The following KAZN variants were observed in gnomAD, a reference collection of about 807,000 sequenced individuals.
KAZN encodes kazrin, periplakin interacting protein.
A neutral mutation model predicts 87.4 loss-of-function variants in KAZN; 40 were observed. That is an observed-to-expected ratio of 0.46 (90% CI 0.36 to 0.60). KAZN has a LOEUF of 0.60. KAZN is among the 20% of genes least tolerant of loss of function. KAZN has a pLI of 0.00. For synonymous variants in KAZN, 466 were observed against 458.3 expected (o/e 1.02, Z -0.22); for missense variants, 898 against 1,073.9 (o/e 0.84, Z 2.29).
chr1:14,054,303 T>C (rs1299072591), intron 1 of KAZN, among the ~76,000 whole-genome samples: 1 of 152,128 alleles, frequency 6.6e-6, no homozygotes, highest in Non-Finnish European at 1.5e-5. Flanking sequence ...AAGATAAAAA[T>C]AAAAACCTTT....
intron 1 of KAZN, among the ~76,000 whole-genome samples, chr1:14,609,915 C>T (rs992110429): frequency 8.5e-5 from 13 of 152,244 alleles, no homozygotes; most frequent in Admixed American, 7.8e-4. Context: ...GGCCCAGCTG[C>T]ACAGTGTGGG....
At chr1:14,895,860 G>A (rs1655208872) in intron 1 of KAZN, among the ~76,000 whole-genome samples, 2 of 152,110 alleles carry the variant, frequency 1.3e-5, no homozygotes, top group South Asian at 4.1e-4. Context: ...CGAGGACAGA[G>A]AATAAAAGCA....
intron 2 of KAZN, among the ~76,000 whole-genome samples, chr1:14,514,609 A>ATTTTTT (rs1671196699): frequency 0.021 from 768 of 36,902 alleles, 2 homozygotes; most frequent in Non-Finnish European, 0.023. Context: ...ATATATATAT[A>ATTTTTT]TATATATATA....
At chr1:15,114,053 A>T (rs895505263) in intron 14 of KAZN, 4 of 158,582 alleles carry the variant, frequency 2.5e-5, no homozygotes, top group African/African-American at 9.6e-5. Flanking sequence ...CTGCCACACC[A>T]GGCCGTCTAG....
chr1:14,917,277 G>A (rs1017050842), intron 1 of KAZN, among the ~76,000 whole-genome samples: 10 of 152,222 alleles, frequency 6.6e-5, no homozygotes, highest in African/African-American at 2.4e-4. Flanking sequence ...CCTTCCCGAT[G>A]CACCTGGGGT....
At chr1:14,765,093 G>T (rs1398557533) in intron 1 of KAZN, among the ~76,000 whole-genome samples, 1 of 152,132 alleles carries the variant, frequency 6.6e-6, no homozygotes, top group African/African-American at 2.4e-5. Flanking sequence ...CTCATCAGCC[G>T]CAGCACTGTT....
At chr1:13,946,257 C>T (rs996265488) in intron 1 of KAZN, among the ~76,000 whole-genome samples, 11 of 152,162 alleles carry the variant, frequency 7.2e-5, no homozygotes, top group African/African-American at 2.7e-4. Flanking sequence ...AAACATCACA[C>T]AGCTGCCTTC....
chr1:14,385,323 T>G (rs1445585628), intron 2 of KAZN, among the ~76,000 whole-genome samples: 3 of 152,230 alleles, frequency 2.0e-5, no homozygotes, highest in Non-Finnish European at 4.4e-5. Flanking sequence ...TCAGTTCTGC[T>G]CTGATTTTAG....
chr1:14,617,460 G>T (rs1212108993), intron 1 of KAZN, among the ~76,000 whole-genome samples: 2 of 152,156 alleles, frequency 1.3e-5, no homozygotes, highest in Admixed American at 6.5e-5. Flanking sequence ...TAGACTTGCT[G>T]CATGAGAGGG....
chr1:14,702,326 CTGTGTGTGTGTGTGTGTGTGTG>C (rs3222186), intron 1 of KAZN, among the ~76,000 whole-genome samples: 1 of 133,282 alleles, frequency 7.5e-6, no homozygotes, highest in Admixed American at 7.6e-5. Context: ...TTTTGCAAAA[CTGTGTGTGTGTGTGTGTGTGTG>C]TGTGTGTGTG....
At chr1:13,912,134 C>T (rs765081325) in intron 1 of KAZN, among the ~76,000 whole-genome samples, 2 of 152,150 alleles carry the variant, frequency 1.3e-5, no homozygotes, top group Non-Finnish European at 2.9e-5. Context: ...CCAGTGCTCA[C>T]GATCAAAGGC....
intron 2 of KAZN, among the ~76,000 whole-genome samples, chr1:14,269,841 G>GA (rs1027736342): frequency 5.3e-4 from 80 of 152,124 alleles, no homozygotes; most frequent in African/African-American, 1.8e-3. Context: ...AACAGGTGAT[G>GA]AAAAAACCGT....
Position 15,081,216 on chromosome 1 carries a change from G to A in KAZN, c.1223-12964G>A, listed in dbSNP as rs1639989553. The stretch of plus-strand genomic sequence containing the variant: ...TTCAATTGCAGGCAGTGCTGGGCCA[G>A]GGCTGGCTCACACAGGCCCACGGAT... On this transcript the variant is annotated intron_variant, in intron 8 of 14. Coordinates refer to ENST00000376030, the MANE Select transcript of KAZN (RefSeq NM_201628.3). This position sits in a 1 kb window ranked among gnomAD's most constrained non-coding sequence, Gnocchi z 4.1. Among the ~76,000 whole-genome samples the A allele has an allele frequency of 6.6e-6, 1 of 152,222 alleles. No homozygotes were observed. The highest frequency in any genetic ancestry group is 1.9e-4 in the East Asian group (1 of 5,188).
intron 2 of KAZN, among the ~76,000 whole-genome samples, chr1:14,285,097 C>G (rs1448795702): frequency 6.6e-6 from 1 of 152,198 alleles, no homozygotes; most frequent in East Asian, 1.9e-4. Context: ...AAATCCACCA[C>G]TGATTACCTG....
chr1:14,891,832 C>CTT (rs1654752551), intron 1 of KAZN, among the ~76,000 whole-genome samples: 1 of 151,932 alleles, frequency 6.6e-6, no homozygotes, highest in Non-Finnish European at 1.5e-5. Context: ...ATAGCTATTT[C>CTT]TTCTAAAATG....
intron 2 of KAZN, among the ~76,000 whole-genome samples, chr1:14,362,161 A>G (rs1303118668): frequency 1.3e-5 from 2 of 152,206 alleles, no homozygotes; most frequent in African/African-American, 4.8e-5. Flanking sequence ...GCACTCTTCA[A>G]GGCAGCATTC....
At chr1:14,252,124 C>G (rs1322781782) in intron 2 of KAZN, among the ~76,000 whole-genome samples, 1 of 152,160 alleles carries the variant, frequency 6.6e-6, no homozygotes, top group African/African-American at 2.4e-5. Context: ...ATGTCTTTCT[C>G]TCTGTGCCTC....
At chr1:14,394,518 A>G (rs759165106) in intron 2 of KAZN, among the ~76,000 whole-genome samples, 1 of 152,166 alleles carries the variant, frequency 6.6e-6, no homozygotes, top group Non-Finnish European at 1.5e-5. Flanking sequence ...TCATTTTTAT[A>G]ATCTAAAGCC....
intron 1 of KAZN, among the ~76,000 whole-genome samples, chr1:14,134,659 G>T (rs1003130062): frequency 1.3e-5 from 2 of 152,098 alleles, no homozygotes; most frequent in African/African-American, 4.8e-5. Flanking sequence ...TCATGAATTT[G>T]TTTTCAAAAC....
Sources: allele counts gnomAD v4.1 joint callset (sites outside exome capture counted in the v4.1 genomes callset), GRCh38; gene constraint gnomAD v4.1.1; non-coding constraint Gnocchi (gnomAD v3.1); transcripts MANE v1.5; gene names NCBI Gene and HGNC (gene_info 2026-07-23, HGNC 2026-07-21).